The following OXR1 variants were observed in gnomAD, a reference collection of about 807,000 sequenced individuals.
The protein encoded by OXR1 is oxidation resistance protein 1.
Under a neutral mutation model 104.6 loss-of-function variants are expected in OXR1, and 41 were observed. That is an observed-to-expected ratio of 0.39 (90% CI 0.31 to 0.51). The LOEUF (loss-of-function observed/expected upper bound fraction) is 0.51, where lower values mean the gene tolerates loss of function less well. Among genes scored for constraint, OXR1 ranks in the 20% least tolerant of loss-of-function variants. The probability of loss-of-function intolerance (pLI) is 0.77; values close to 1 mark genes in which losing one functional copy is unlikely to be tolerated. For missense variants in OXR1, 955 were observed against 1,031.9 expected (o/e 0.93, Z 1.02); for synonymous variants, 348 against 348.4 (o/e 1.00, Z 0.01).
At chr8:106,554,955 G>A (rs1195603416) in intron 3 of OXR1, among the ~76,000 whole-genome samples, 1 of 152,086 alleles carries the variant, frequency 6.6e-6, no homozygotes, top group African/African-American at 2.4e-5. Context: ...TATCTATATA[G>A]TAAAATGGTT....
chr8:106,692,685 G>A (rs1311552681), intron 6 of OXR1, 43 bp from the exon 7 acceptor site: 21 of 1,270,032 alleles, frequency 1.7e-5, no homozygotes, highest in Non-Finnish European at 2.1e-5. Flanking sequence ...TTTTTATTTT[G>A]TTTTCTGCTT....
chr8:106,729,438 T>C (rs1833668844), intron 11 of OXR1, among the ~76,000 whole-genome samples: 1 of 152,100 alleles, frequency 6.6e-6, no homozygotes, highest in South Asian at 2.1e-4. Context: ...AAATGTAAAG[T>C]ATTTCCATTT....
intron 3 of OXR1, among the ~76,000 whole-genome samples, chr8:106,565,660 T>C (rs900299285): frequency 6.6e-6 from 1 of 152,028 alleles, no homozygotes; most frequent in African/African-American, 2.4e-5. Context: ...AAAAAGAGCC[T>C]GTATAGCCAA....
chr8:106,694,475 A>ATATATATATTTGATAAATATGTTTT (rs1829645797), intron 7 of OXR1, among the ~76,000 whole-genome samples: 12 of 113,820 alleles, frequency 1.1e-4, no homozygotes, highest in Non-Finnish European at 1.3e-4. Context: ...AAATATATTT[A>ATATATATATTTGATAAATATGTTTT]TATATATATT....
At chr8:106,332,083 T>C (rs1192188025) in intron 1 of OXR1, among the ~76,000 whole-genome samples, 1 of 151,448 alleles carries the variant, frequency 6.6e-6, no homozygotes, top group African/African-American at 2.4e-5. Flanking sequence ...ACTAGTTTCT[T>C]ATTTTCATAA....
intron 3 of OXR1, among the ~76,000 whole-genome samples, chr8:106,654,345 G>A (rs568747359): frequency 1.6e-4 from 24 of 152,168 alleles, no homozygotes; most frequent in African/African-American, 5.8e-4. Context: ...ATTGGCATGG[G>A]TTTAGGAATA....
chr8:106,277,184 A>G (rs1215160537), intron 1 of OXR1, among the ~76,000 whole-genome samples: 1 of 152,222 alleles, frequency 6.6e-6, no homozygotes, highest in African/African-American at 2.4e-5. Flanking sequence ...TGAAAGAGTT[A>G]AAATTGGAAA....
intron 3 of OXR1, among the ~76,000 whole-genome samples, chr8:106,652,652 A>G (rs1272037293): frequency 1.3e-5 from 2 of 151,792 alleles, no homozygotes; most frequent in Non-Finnish European, 2.9e-5. Flanking sequence ...TATTAAAAAA[A>G]AAGAAGATTT....
At chr8:106,471,959 G>A (rs1031525406) in intron 2 of OXR1, among the ~76,000 whole-genome samples, 19 of 151,872 alleles carry the variant, frequency 1.3e-4, no homozygotes, top group African/African-American at 4.6e-4. Flanking sequence ...AATTGTTATC[G>A]ATGAAATACT....
At chr8:106,677,975 G>A (rs1827772874) in intron 3 of OXR1, among the ~76,000 whole-genome samples, 1 of 152,088 alleles carries the variant, frequency 6.6e-6, no homozygotes. Context: ...AGGCTTTGTG[G>A]AAGAAAGGCA....
intron 3 of OXR1, among the ~76,000 whole-genome samples, chr8:106,633,847 T>C (rs1235570201): frequency 6.6e-6 from 1 of 152,212 alleles, no homozygotes; most frequent in African/African-American, 2.4e-5. Flanking sequence ...TCCCAAAGTG[T>C]CAAGTTTAAT....
At chr8:106,638,532 AC>A (rs1256905159) in intron 3 of OXR1, among the ~76,000 whole-genome samples, 2 of 152,120 alleles carry the variant, frequency 1.3e-5, no homozygotes, top group Admixed American at 1.3e-4. Context: ...TGCATTTCTT[AC>A]AAGTTCTAAG....
chr8:106,577,391 T>A (rs1266801785), intron 3 of OXR1, among the ~76,000 whole-genome samples: 11 of 130,068 alleles, frequency 8.5e-5, no homozygotes, highest in African/African-American at 3.4e-4. Context: ...TTTTTTTTTT[T>A]TTTTTTTTTT....
chr8:106,300,961 T>C (rs962547654), intron 1 of OXR1, among the ~76,000 whole-genome samples: 1 of 152,196 alleles, frequency 6.6e-6, no homozygotes, highest in African/African-American at 2.4e-5. Flanking sequence ...CTGGATTAGA[T>C]GATGGATAGT....
chr8:106,583,568 G>GAAGACA (rs1346734676), intron 3 of OXR1, among the ~76,000 whole-genome samples: 1 of 152,054 alleles, frequency 6.6e-6, no homozygotes, highest in African/African-American at 2.4e-5. Context: ...GATTTTCTAA[G>GAAGACA]AAGACATATG....
intron 2 of OXR1, among the ~76,000 whole-genome samples, chr8:106,476,257 G>A (rs1821805442): frequency 6.6e-6 from 1 of 151,844 alleles, no homozygotes; most frequent in Non-Finnish European, 1.5e-5. Flanking sequence ...GGTCTGGGTG[G>A]CCAGGAGCAT....
At chr8:106,589,736 G>A (rs1373836508) in intron 3 of OXR1, among the ~76,000 whole-genome samples, 3 of 152,024 alleles carry the variant, frequency 2.0e-5, no homozygotes, top group Admixed American at 1.3e-4. Flanking sequence ...GCATGAACTC[G>A]GCTCACTGCA....
At chr8:106,557,453 T>G (rs1175853872) in intron 3 of OXR1, among the ~76,000 whole-genome samples, 2 of 152,166 alleles carry the variant, frequency 1.3e-5, no homozygotes, top group African/African-American at 4.8e-5. Flanking sequence ...GCAACTCAGG[T>G]GAGTAGCATT....
At chr8:106,667,111 G>A (rs1250336301) in intron 3 of OXR1, among the ~76,000 whole-genome samples, 6 of 152,170 alleles carry the variant, frequency 3.9e-5, no homozygotes, top group Non-Finnish European at 1.5e-5. Context: ...AGCATTGATA[G>A]CAATGAGTCC....
Sources: gnomAD v4.1 joint callset for allele counts (sites outside exome capture counted in the v4.1 genomes callset) on GRCh38, gnomAD v4.1.1 for gene constraint, MANE v1.5 for transcripts, NCBI Gene and HGNC (gene_info 2026-07-23, HGNC 2026-07-21) for gene names.